Variants in LINGO2 observed in about 807,000 individuals in gnomAD.
LINGO2 encodes the protein leucine rich repeat and Ig domain containing 2, also known as leucine-rich repeat and immunoglobulin-like domain-containing nogo receptor-interacting protein 2.
Under a neutral mutation model 30.6 loss-of-function variants are expected in LINGO2, and 14 were observed. The ratio of observed to expected loss-of-function variants is 0.46; its 90% CI spans 0.30 to 0.72. LINGO2 has a LOEUF of 0.72. Among genes scored for constraint, LINGO2 ranks in the 30% least tolerant of loss-of-function variants. The pLI, the probability that LINGO2 is intolerant of heterozygous loss-of-function variation, is 0.07. For missense variants in LINGO2, 729 were observed against 751.7 expected, an observed-to-expected ratio of 0.97 and a Z score of 0.35; for synonymous variants, 317 against 288.5, an observed-to-expected ratio of 1.10 and a Z score of -1.00.
At chr9:28,009,798 G>T (rs1350607523) in intron 5 of LINGO2, among the ~76,000 whole-genome samples, 1 of 152,168 alleles carries the variant, frequency 6.6e-6, no homozygotes, top group Non-Finnish European at 1.5e-5. Context: ...TTGAACAACA[G>T]TTTGGCAGTT....
chr9:28,613,584 C>T (rs2135794587), intron 1 of LINGO2, among the ~76,000 whole-genome samples: 2 of 152,012 alleles, frequency 1.3e-5, no homozygotes, highest in Middle Eastern at 6.8e-3. Context: ...GTCACCTCTG[C>T]CGTACTAGAA....
the LINGO2 span, among the ~76,000 whole-genome samples, chr9:28,965,019 CTTATA>C: frequency 6.6e-6 from 1 of 151,646 alleles, no homozygotes; most frequent in Non-Finnish European, 1.5e-5. Flanking sequence ...AGAGAATAAT[CTTATA>C]TTAATCTTAT....
At chr9:29,085,281 T>TA in the LINGO2 span, among the ~76,000 whole-genome samples, 1,544 of 76,560 alleles carry the variant, frequency 0.02, 92 homozygotes, top group South Asian at 0.031. Context: ...CTATGGTAAG[T>TA]AAAAAAAAAA....
At chr9:28,622,889 G>A (rs891517044) in intron 1 of LINGO2, among the ~76,000 whole-genome samples, 22 of 151,796 alleles carry the variant, frequency 1.4e-4, no homozygotes, top group African/African-American at 5.1e-4. Context: ...ATTTTAACTG[G>A]GGTGAGATGA....
At chr9:28,145,050 A>C (rs1827775573) in intron 4 of LINGO2, among the ~76,000 whole-genome samples, 1 of 152,222 alleles carries the variant, frequency 6.6e-6, no homozygotes, top group Non-Finnish European at 1.5e-5. Context: ...GCCATCAAGG[A>C]GACCATCTAA....
chr9:29,052,349 A>C, the LINGO2 span, among the ~76,000 whole-genome samples: 7 of 152,196 alleles, frequency 4.6e-5, no homozygotes, highest in African/African-American at 1.7e-4. Context: ...CATTGCTGCT[A>C]TAGAACTGTA....
chr9:28,569,488 C>A (rs761746706), intron 1 of LINGO2, among the ~76,000 whole-genome samples: 27 of 151,836 alleles, frequency 1.8e-4, no homozygotes, highest in South Asian at 4.1e-4. Context: ...TTAGTGACAA[C>A]ATAGATGACC....
chr9:29,047,444 T>C, the LINGO2 span, among the ~76,000 whole-genome samples: 1 of 152,110 alleles, frequency 6.6e-6, no homozygotes, highest in East Asian at 1.9e-4. Context: ...GGTGGGAGTG[T>C]ATAAATTAGT....
At chr9:28,688,967 T>A in the LINGO2 span, among the ~76,000 whole-genome samples, 1 of 152,196 alleles carries the variant, frequency 6.6e-6, no homozygotes, top group Non-Finnish European at 1.5e-5. Flanking sequence ...CTGCTGCTGT[T>A]CATGATCTTG....
At chr9:28,320,774 C>T (rs567647104) in intron 3 of LINGO2, among the ~76,000 whole-genome samples, 2 of 152,312 alleles carry the variant, frequency 1.3e-5, no homozygotes, top group East Asian at 1.9e-4. Context: ...CAGACTGAGA[C>T]TAGGGATTTG....
chr9:28,167,907 T>G (rs367988308), intron 4 of LINGO2, among the ~76,000 whole-genome samples: 3 of 152,210 alleles, frequency 2.0e-5, no homozygotes, highest in African/African-American at 7.2e-5. Context: ...TCTCCACACA[T>G]TGGGAGGCTT....
chr9:28,228,056 G>C (rs1821232362), intron 4 of LINGO2, among the ~76,000 whole-genome samples: 1 of 151,944 alleles, frequency 6.6e-6, no homozygotes, highest in African/African-American at 2.4e-5. Context: ...AATACATGTA[G>C]TCATATCCTA....
intron 4 of LINGO2, among the ~76,000 whole-genome samples, chr9:28,152,957 G>GA: frequency 6.6e-6 from 1 of 152,182 alleles, no homozygotes; most frequent in African/African-American, 2.4e-5. Context: ...AATATAATTA[G>GA]AAACTCCAGG....
chr9:28,806,944 T>C, the LINGO2 span, among the ~76,000 whole-genome samples: 1 of 151,892 alleles, frequency 6.6e-6, no homozygotes, highest in African/African-American at 2.4e-5. Flanking sequence ...TATAAAAGCA[T>C]AATATGAGTT....
chr9:29,186,886 A>T, the LINGO2 span, among the ~76,000 whole-genome samples: 1 of 152,176 alleles, frequency 6.6e-6, no homozygotes, highest in South Asian at 2.1e-4. Flanking sequence ...GCCCATAAGA[A>T]AGACCATAAA....
intron 2 of LINGO2, among the ~76,000 whole-genome samples, chr9:28,408,829 C>G (rs924012122): frequency 6.0e-5 from 9 of 150,664 alleles, no homozygotes; most frequent in Non-Finnish European, 1.2e-4. Flanking sequence ...GGTCCATAGT[C>G]TACAGTCCTC....
intron 4 of LINGO2, among the ~76,000 whole-genome samples, chr9:28,180,830 GACAC>G (rs141849308): frequency 1.3e-5 from 2 of 150,710 alleles, no homozygotes; most frequent in Non-Finnish European, 3.0e-5. Flanking sequence ...TTCACACATA[GACAC>G]ACACACACAC....
At position 28,193,135 on chromosome 9, in the gene LINGO2, A is replaced by T. The variant is rs565257965; in HGVS notation, c.-87+102073T>A. Among the ~76,000 whole-genome samples, 7 of 152,184 alleles carry T rather than the reference A, an allele frequency of 4.6e-5. No individual in the cohort carries two copies. In the South Asian group the frequency reaches 1.4e-3, roughly 31 times the overall value. On this transcript the variant is annotated intron_variant, in intron 4 of 5. Coordinates refer to ENST00000379992, the Ensembl canonical transcript of LINGO2. ...TCAAAGATTTATGCTGGGAGTTCAA[A>T]TGATTTCTGAATTTTTTTATGTTAT...
chr9:27,996,335 T>C (rs1160704637), intron 5 of LINGO2, among the ~76,000 whole-genome samples: 3 of 152,206 alleles, frequency 2.0e-5, no homozygotes, highest in African/African-American at 7.2e-5. Context: ...TGCACTCCTA[T>C]GTTTATTGCA....
Sources: allele counts gnomAD v4.1 joint callset (sites outside exome capture counted in the v4.1 genomes callset), GRCh38; gene constraint gnomAD v4.1.1; transcripts MANE v1.5; gene names NCBI Gene and HGNC (gene_info 2026-07-23, HGNC 2026-07-21).